AKAP12: variants seen among roughly 807,000 people sequenced by gnomAD.
The protein encoded by AKAP12 is A-kinase anchoring protein 12.
AKAP12 carries 32 observed loss-of-function variants against 79.9 expected under a neutral mutation model. The observed-to-expected ratio is 0.40, with a 90% confidence interval of 0.30 to 0.54. AKAP12 has a LOEUF of 0.54. Among genes scored for constraint, AKAP12 ranks in the 20% least tolerant of loss-of-function variants. The pLI is 0.48. For missense variants in AKAP12, 2,074 were observed against 2,177.0 expected, an observed-to-expected ratio of 0.95 and a Z score of 0.94; for synonymous variants, 808 against 857.0, an observed-to-expected ratio of 0.94 and a Z score of 1.00.
intron 3 of AKAP12, among the ~76,000 whole-genome samples, chr6:151,315,541 G>A (rs893467727): frequency 1.6e-4 from 24 of 152,164 alleles, no homozygotes; most frequent in Non-Finnish European, 1.8e-4. Context: ...GACTGTAGTG[G>A]CTGTTTTATT....
At chr6:151,306,131 T>G (rs751108210) in intron 3 of AKAP12, among the ~76,000 whole-genome samples, 7 of 152,208 alleles carry the variant, frequency 4.6e-5, no homozygotes, top group Non-Finnish European at 8.8e-5. Flanking sequence ...TTTTAAATTA[T>G]TGTTGCTTTG....
intron 3 of AKAP12, among the ~76,000 whole-genome samples, chr6:151,333,897 TGAA>T (rs1224015989): frequency 4.0e-5 from 6 of 151,658 alleles, no homozygotes; most frequent in African/African-American, 1.5e-4. Flanking sequence ...GCGAAAAAAG[TGAA>T]GAAGAGGAGG....
At position 151,357,727 on chromosome 6, in the gene AKAP12, T is replaced by C. The variant is rs1778478677; in HGVS notation, c.*2013T>C. 1 of 149,344 alleles carries C rather than the reference T, an allele frequency of 6.7e-6. No homozygotes were observed. Among genetic ancestry groups the C allele is most frequent in the South Asian group, 2.1e-4 (1 of 4,756 alleles). 9.3% of individuals were successfully genotyped at this position (149,344 alleles called of 1,614,324 possible). A position where few individuals can be genotyped will look rare whatever the true frequency, so the allele number is the denominator to read the frequency against. Reference sequence around the variant, plus strand: ...ATATATAATTTTTTTTTTTTTTTTTTTTTGGCCAACTGAGATTGAAATCCA... The same window carrying C: ...ATATATAATTTTTTTTTTTTTTTTTCTTTGGCCAACTGAGATTGAAATCCA... On this transcript the variant is annotated 3_prime_UTR_variant, in exon 5 of 5. Transcript: ENST00000402676.
Position 151,316,933 on chromosome 6 carries a change from C to T in AKAP12, c.319+11030C>T, listed in dbSNP as rs117768486. Among the ~76,000 whole-genome samples, 41 of 152,278 alleles carry T rather than the reference C, an allele frequency of 2.7e-4. No homozygotes were observed. The East Asian group carries it at 5.4e-3, about 20-fold the overall frequency. The stretch of plus-strand genomic sequence containing the variant: ...GATTACAGGCGTGAGCCACCACACC[C>T]GGCCAGGACTCCTGTTCTTATTAGG... On this transcript the variant is annotated intron_variant, in intron 3 of 4. Transcript: ENST00000402676.
At chr6:151,313,412 G>A (rs1333141495) in intron 3 of AKAP12, among the ~76,000 whole-genome samples, 1 of 152,208 alleles carries the variant, frequency 6.6e-6, no homozygotes, top group Non-Finnish European at 1.5e-5. Context: ...CACAAAATAG[G>A]CCTTGAACTT....
chr6:151,297,556 G>A (rs1373160434), intron 2 of AKAP12, among the ~76,000 whole-genome samples: 1 of 136,626 alleles, frequency 7.3e-6, no homozygotes, highest in Non-Finnish European at 1.5e-5. Context: ...CTGGAGGACA[G>A]AGCATGAGTT....
chr6:151,266,564 A>G (rs938090598), intron 2 of AKAP12, among the ~76,000 whole-genome samples: 56 of 152,186 alleles, frequency 3.7e-4, no homozygotes, highest in African/African-American at 1.2e-3. Context: ...TTATAAAGCA[A>G]TTTGGCAACA....
chr6:151,273,451 T>C (rs937467933), intron 2 of AKAP12, among the ~76,000 whole-genome samples: 1 of 152,238 alleles, frequency 6.6e-6, no homozygotes, highest in Non-Finnish European at 1.5e-5. Context: ...GACTCTCGCG[T>C]AAATCACTGT....
chr6:151,354,584 A>G (rs1254981898), intron 4 of AKAP12, among the ~76,000 whole-genome samples: 2 of 148,840 alleles, frequency 1.3e-5, no homozygotes, highest in African/African-American at 4.9e-5. Context: ...CGTGTTAGCC[A>G]GGAGGTCTCG....
chr6:151,345,509 T>A lies in AKAP12; in HGVS notation c.320-3202T>A, dbSNP rs184079302. On this transcript the variant is annotated intron_variant, in intron 3 of 4. Transcript: ENST00000402676. Reference sequence around the variant, plus strand: ...TCGATATATGTCCTATATAGAAAATTAGAGGCTGGGGGCAGTGGCTCACAC... The same window carrying A: ...TCGATATATGTCCTATATAGAAAATAAGAGGCTGGGGGCAGTGGCTCACAC... Among the ~76,000 whole-genome samples the A allele has an allele frequency of 1.4e-3, 216 of 151,784 alleles. 1 individual carries two copies. Among genetic ancestry groups the A allele is most frequent in the African/African-American group, 4.9e-3 (205 of 41,428 alleles).
At chr6:151,244,960 A>G (rs1009177063) in intron 2 of AKAP12, among the ~76,000 whole-genome samples, 1 of 152,240 alleles carries the variant, frequency 6.6e-6, no homozygotes, top group Non-Finnish European at 1.5e-5. Flanking sequence ...ATTTCCTTCT[A>G]TGAAGAAAAG....
At chr6:151,332,181 C>T (rs184708371) in intron 3 of AKAP12, among the ~76,000 whole-genome samples, 3 of 151,810 alleles carry the variant, frequency 2.0e-5, no homozygotes, top group African/African-American at 7.2e-5. Flanking sequence ...GGATTACAGG[C>T]GCCCGCCACC....
chr6:151,325,401 G>A, intron 3 of AKAP12: 1 of 985,436 alleles, frequency 1.0e-6, no homozygotes, highest in Non-Finnish European at 1.2e-6. Context: ...TAGATCCAAT[G>A]CGCCGGCTCC....
chr6:151,255,510 G>A (rs530974068), intron 2 of AKAP12, among the ~76,000 whole-genome samples: 3 of 151,174 alleles, frequency 2.0e-5, no homozygotes, highest in Admixed American at 2.0e-4. Context: ...AATAAAAATT[G>A]TTTAGAGTCA....
In AKAP12 at chr6:151,316,346, A is replaced by G. The variant is rs954028713; in HGVS notation, c.319+10443A>G. 2.6e-5 allele frequency among the ~76,000 whole-genome samples: 4 copies of G among 152,208 alleles called. No individual in the cohort carries two copies. In the East Asian group the frequency reaches 5.8e-4, roughly 22 times the overall value. On this transcript the variant is annotated intron_variant, in intron 3 of 4. Transcript: ENST00000402676. ...ACTGGTTGCTTTCATGTGTCTTAAC[A>G]TGGACGTGCAATATTTAGACCAACC... is the stretch of plus-strand genomic sequence containing the variant.
rs57958959 is a variant in AKAP12 at position 151,309,972 on chromosome 6, G to GA, written c.319+4082dup. ...GCAAATCTGCTTCTACCGAAAAGAT[G>GA]AAAAAAAAAAAAAGAAAAAGAAAAG... On this transcript the variant is annotated intron_variant, in intron 3 of 4. Transcript: ENST00000402676. Among the ~76,000 whole-genome samples, 1,162 of 139,306 alleles carry GA rather than the reference G, an allele frequency of 8.3e-3. 14 individuals carry two copies. Among genetic ancestry groups the GA allele is most frequent in the African/African-American group, 0.027 (1,028 of 38,588 alleles). 91.4% of individuals were successfully genotyped at this position (139,306 alleles called of 152,430 possible).
intron 2 of AKAP12, among the ~76,000 whole-genome samples, chr6:151,279,672 C>T (rs1302342710): frequency 1.3e-5 from 2 of 151,730 alleles, no homozygotes; most frequent in African/African-American, 2.4e-5. Context: ...ATAATAGAAA[C>T]GGGCTGGAGA....
At position 151,244,024 on chromosome 6, in the gene AKAP12, G is replaced by A. The variant is rs372784229; in HGVS notation, c.162+3300G>A. ...ATTAGCCTTTCTATATGTATTGCCT[G>A]ATGAATGATTTCAATGCTGGACATT... On this transcript the variant is annotated intron_variant, in intron 2 of 4. Coordinates refer to ENST00000402676, the MANE Select transcript of AKAP12 (RefSeq NM_005100.4). Among the ~76,000 whole-genome samples the A allele has an allele frequency of 1.1e-4, 17 of 152,238 alleles. No individual in the cohort carries two copies. In the East Asian group the frequency reaches 1.5e-3, roughly 14 times the overall value.
chr6:151,291,305 GT>G (rs1046799139), intron 2 of AKAP12, among the ~76,000 whole-genome samples: 15 of 152,180 alleles, frequency 9.9e-5, no homozygotes, highest in African/African-American at 3.4e-4. Flanking sequence ...GGCTCAGAGG[GT>G]GAGAAATTTG....
Sources: allele counts gnomAD v4.1 joint callset (sites outside exome capture counted in the v4.1 genomes callset), GRCh38; gene constraint gnomAD v4.1.1; transcripts MANE v1.5; gene names NCBI Gene and HGNC (gene_info 2026-07-23, HGNC 2026-07-21).